SGCD: variants seen among roughly 807,000 people sequenced by gnomAD.
SGCD encodes delta-sarcoglycan.
SGCD carries 18 observed loss-of-function variants against 36.6 expected under a neutral mutation model. That is an observed-to-expected ratio of 0.49 (90% CI 0.34 to 0.73). The LOEUF is 0.73. Ranked by LOEUF, SGCD falls within the 30% of genes least tolerant of loss-of-function variation. The pLI is 0.01. For synonymous variants in SGCD, 133 were observed against 130.6 expected, an observed-to-expected ratio of 1.02 and a Z score of -0.12; for missense variants, 387 against 346.7, an observed-to-expected ratio of 1.12 and a Z score of -0.92.
chr5:156,400,964 A>G (rs918065005), intron 3 of SGCD, among the ~76,000 whole-genome samples: 1 of 152,244 alleles, frequency 6.6e-6, no homozygotes, highest in Non-Finnish European at 1.5e-5. Context: ...CCAGTGTTGC[A>G]TGCCATTTTA....
chr5:155,967,746 A>G (rs1757930544), intron 1 of SGCD, among the ~76,000 whole-genome samples: 1 of 152,046 alleles, frequency 6.6e-6, no homozygotes, highest in African/African-American at 2.4e-5. Flanking sequence ...GCCAAGAGTG[A>G]ATGGACGATT....
chr5:156,591,576 C>T (rs1350431784), intron 5 of SGCD, among the ~76,000 whole-genome samples: 1 of 152,160 alleles, frequency 6.6e-6, no homozygotes, highest in African/African-American at 2.4e-5. Context: ...GCCACCAGGC[C>T]TTTGCACCTC....
intron 1 of SGCD, among the ~76,000 whole-genome samples, chr5:155,924,936 C>G (rs1403737408): frequency 2.0e-5 from 3 of 152,142 alleles, no homozygotes; most frequent in Non-Finnish European, 4.4e-5. Context: ...ATTATCCTTG[C>G]AGATAAACTG....
intron 1 of SGCD, among the ~76,000 whole-genome samples, chr5:156,050,122 A>C (rs1455270814): frequency 6.8e-6 from 1 of 146,970 alleles, no homozygotes; most frequent in African/African-American, 2.5e-5. Flanking sequence ...AAGAAGTTCT[A>C]CTTTGGGTAA....
intron 3 of SGCD, among the ~76,000 whole-genome samples, chr5:156,161,784 T>C (rs933494040): frequency 6.6e-6 from 1 of 151,706 alleles, no homozygotes; most frequent in Non-Finnish European, 1.5e-5. Context: ...TGAATCATAA[T>C]TATATGTTTA....
intron 1 of SGCD, among the ~76,000 whole-genome samples, chr5:155,965,960 C>T (rs376460178): frequency 1.4e-3 from 216 of 152,122 alleles, no homozygotes; most frequent in African/African-American, 5.1e-3. Context: ...GGTTGTAGGA[C>T]TTGAGGAAAA....
At chr5:155,910,228 A>G (rs1281583950) in intron 1 of SGCD, among the ~76,000 whole-genome samples, 1 of 151,966 alleles carries the variant, frequency 6.6e-6, no homozygotes, top group African/African-American at 2.4e-5. Flanking sequence ...TTACTATTTT[A>G]TGTGTTGACA....
At chr5:156,674,112 C>A (rs1408456941) in intron 7 of SGCD, among the ~76,000 whole-genome samples, 1 of 152,202 alleles carries the variant, frequency 6.6e-6, no homozygotes, top group Non-Finnish European at 1.5e-5. Context: ...CTTCTGATTG[C>A]CTACCCCTGC....
chr5:156,308,249 A>G (rs1767285489), intron 3 of SGCD, among the ~76,000 whole-genome samples: 1 of 151,754 alleles, frequency 6.6e-6, no homozygotes, highest in Non-Finnish European at 1.5e-5. Context: ...AAAGCAAGGC[A>G]TGTCTTACAT....
intron 1 of SGCD, among the ~76,000 whole-genome samples, chr5:155,905,813 A>G (rs1044864469): frequency 6.6e-6 from 1 of 152,058 alleles, no homozygotes; most frequent in Non-Finnish European, 1.5e-5. Context: ...TCTTGCTGCC[A>G]CCATGTAAGA....
chr5:156,751,304 T>C (rs1757141827), intron 7 of SGCD, among the ~76,000 whole-genome samples: 1 of 147,594 alleles, frequency 6.8e-6, no homozygotes, highest in Non-Finnish European at 1.5e-5. Flanking sequence ...CCTCAGACTA[T>C]ACACAAAAAT....
the SGCD span, among the ~76,000 whole-genome samples, chr5:155,829,320 A>C: frequency 6.6e-6 from 1 of 152,178 alleles, no homozygotes; most frequent in African/African-American, 2.4e-5. Context: ...TCCATGTTGA[A>C]GTGAGTTGAG....
intron 2 of SGCD, among the ~76,000 whole-genome samples, chr5:156,331,523 G>C (rs768791351): frequency 6.6e-6 from 1 of 152,174 alleles, no homozygotes; most frequent in Non-Finnish European, 1.5e-5. Context: ...GCACCTATTA[G>C]AGCAAGCACA....
intron 4 of SGCD, among the ~76,000 whole-genome samples, chr5:156,576,867 A>G (rs1217298353): frequency 2.6e-4 from 40 of 151,810 alleles, no homozygotes; most frequent in Non-Finnish European, 2.2e-4. Flanking sequence ...TCTGTAGGTT[A>G]CCTGTTCACT....
chr5:155,873,641 G>A (rs912448513), intron 1 of SGCD, among the ~76,000 whole-genome samples: 27 of 152,192 alleles, frequency 1.8e-4, no homozygotes, highest in Middle Eastern at 3.4e-3. Context: ...GTGTATCCAC[G>A]TAACCAAACT....
intron 7 of SGCD, among the ~76,000 whole-genome samples, chr5:156,696,048 C>T (rs1167753003): frequency 6.6e-6 from 1 of 152,204 alleles, no homozygotes; most frequent in Non-Finnish European, 1.5e-5. Flanking sequence ...CATTTACAAC[C>T]TGTTCTGGGT....
chr5:156,219,825 G>A (rs1250805215), intron 3 of SGCD, among the ~76,000 whole-genome samples: 1 of 152,130 alleles, frequency 6.6e-6, no homozygotes, highest in African/African-American at 2.4e-5. Flanking sequence ...AGCATTCAAA[G>A]TTTTAGCCCC....
intron 3 of SGCD, among the ~76,000 whole-genome samples, chr5:156,438,458 GTTTT>G (rs1227316182): frequency 1.3e-5 from 2 of 152,026 alleles, no homozygotes; most frequent in Non-Finnish European, 2.9e-5. Flanking sequence ...TCAAAAGGTT[GTTTT>G]TTTCATGCAC....
intron 1 of SGCD, among the ~76,000 whole-genome samples, chr5:156,021,240 TA>T (rs1308098445): frequency 2.0e-5 from 3 of 152,140 alleles, no homozygotes; most frequent in African/African-American, 7.2e-5. Context: ...CATAATTTTT[TA>T]AAAAAGTTTA....
Sources: gnomAD v4.1 joint callset for allele counts (sites outside exome capture counted in the v4.1 genomes callset) on GRCh38, gnomAD v4.1.1 for gene constraint, MANE v1.5 for transcripts, NCBI Gene and HGNC (gene_info 2026-07-23, HGNC 2026-07-21) for gene names.